The following RNF130 variants were observed in gnomAD, a reference collection of about 807,000 sequenced individuals.
The protein encoded by RNF130 is E3 ubiquitin-protein ligase RNF130.
In RNF130, 21 loss-of-function variants were observed where a neutral mutation model predicts 44.6. The ratio of observed to expected loss-of-function variants is 0.47; its 90% CI spans 0.33 to 0.68. The LOEUF (loss-of-function observed/expected upper bound fraction) is 0.68. Ranked by LOEUF, RNF130 falls within the 30% of genes least tolerant of loss-of-function variation. The pLI, the probability that RNF130 is intolerant of heterozygous loss-of-function variation, is 0.02. For synonymous variants in RNF130, 214 were observed against 210.4 expected, an observed-to-expected ratio of 1.02 and a Z score of -0.15; for missense variants, 479 against 560.6, an observed-to-expected ratio of 0.85 and a Z score of 1.47.
chr5:180,029,728 T>A (rs1764079202), intron 2 of RNF130, among the ~76,000 whole-genome samples: 1 of 151,936 alleles, frequency 6.6e-6, no homozygotes, highest in African/African-American at 2.4e-5. Flanking sequence ...TTAGTAGAGA[T>A]GGGGTTTTGT....
At chr5:179,990,170 C>G (rs57008562) in intron 3 of RNF130, among the ~76,000 whole-genome samples, 1 of 151,958 alleles carries the variant, frequency 6.6e-6, no homozygotes, top group Non-Finnish European at 1.5e-5. Flanking sequence ...GTAGTGGCCC[C>G]GAATGCCTGG....
At chr5:179,965,994 G>A (rs944675773) in intron 7 of RNF130, among the ~76,000 whole-genome samples, 10 of 152,162 alleles carry the variant, frequency 6.6e-5, no homozygotes, top group African/African-American at 2.4e-4. Context: ...GCTGGGAAAG[G>A]CAACAGCAGA....
At chr5:179,934,138 CT>C in intron 7 of RNF130, 1 of 221,160 alleles carries the variant, frequency 4.5e-6, no homozygotes. Flanking sequence ...GTGTTTGCCT[CT>C]CCTTTAGACA....
intron 2 of RNF130, among the ~76,000 whole-genome samples, chr5:180,030,005 G>A (rs527958414): frequency 2.9e-4 from 43 of 148,028 alleles, no homozygotes; most frequent in Middle Eastern, 6.8e-3. Context: ...GTACCACCAC[G>A]CCCGGCTAAT....
chr5:180,063,104 G>A (rs753884664), intron 1 of RNF130, among the ~76,000 whole-genome samples: 25 of 152,172 alleles, frequency 1.6e-4, no homozygotes, highest in Non-Finnish European at 2.5e-4. Flanking sequence ...TCTGATGTCC[G>A]TTCTAAGGAT....
intron 1 of RNF130, among the ~76,000 whole-genome samples, chr5:180,062,326 C>A (rs937631405): frequency 1.3e-5 from 2 of 152,106 alleles, no homozygotes; most frequent in Non-Finnish European, 2.9e-5. Context: ...TCCCAAAGTG[C>A]TGGGATTACA....
At chr5:179,974,635 T>A (rs1180675259) in intron 5 of RNF130, among the ~76,000 whole-genome samples, 2 of 152,156 alleles carry the variant, frequency 1.3e-5, no homozygotes, top group African/African-American at 2.4e-5. Context: ...TCTCCCTCCC[T>A]CACGGAGGGA....
chr5:180,040,730 C>T, intron 1 of RNF130, 83 bp from the exon 2 acceptor site: 1 of 1,285,892 alleles, frequency 7.8e-7, no homozygotes, highest in South Asian at 1.5e-5. Flanking sequence ...TTTCTGAATA[C>T]CACACAGAGC....
At chr5:180,022,027 G>C (rs753537709) in intron 2 of RNF130, among the ~76,000 whole-genome samples, 1 of 152,224 alleles carries the variant, frequency 6.6e-6, no homozygotes, top group African/African-American at 2.4e-5. Flanking sequence ...TCTGTCGAAG[G>C]TATTTCCCTG....
At chr5:179,941,187 T>C (rs1051546744) in intron 7 of RNF130, among the ~76,000 whole-genome samples, 1 of 152,248 alleles carries the variant, frequency 6.6e-6, no homozygotes, top group East Asian at 1.9e-4. Flanking sequence ...TTTGGTCTTA[T>C]CTCCTGGCTT....
chr5:179,961,851 T>C (rs1762336787), intron 8 of RNF130, among the ~76,000 whole-genome samples: 1 of 152,134 alleles, frequency 6.6e-6, no homozygotes, highest in South Asian at 2.1e-4. Flanking sequence ...AGGCAGATGG[T>C]CATCTGACTC....
chr5:179,927,774 T>G (rs1326271072), intron 7 of RNF130, among the ~76,000 whole-genome samples: 3 of 151,728 alleles, frequency 2.0e-5, no homozygotes, highest in Non-Finnish European at 4.4e-5. Context: ...GTATTTTTAG[T>G]AGAGATAGGC....
At chr5:180,034,255 T>C (rs1764199398) in intron 2 of RNF130, among the ~76,000 whole-genome samples, 1 of 152,140 alleles carries the variant, frequency 6.6e-6, no homozygotes, top group African/African-American at 2.4e-5. Context: ...TAATCCATTT[T>C]ATATATTACT....
At chr5:180,025,918 T>C (rs1763974106) in intron 2 of RNF130, among the ~76,000 whole-genome samples, 1 of 152,208 alleles carries the variant, frequency 6.6e-6, no homozygotes, top group African/African-American at 2.4e-5. Flanking sequence ...TACGTAAAGG[T>C]ATTCTACAAT....
At position 179,977,740 on chromosome 5, in the gene RNF130, T is replaced by C. The variant is rs1425577641; in HGVS notation, c.848+463A>G. 6.6e-6 allele frequency among the ~76,000 whole-genome samples: 1 copy of C among 152,096 alleles called. No individual in the cohort carries two copies. The highest frequency in any genetic ancestry group is 1.5e-5 in the Non-Finnish European group (1 of 68,024). On this transcript the variant is annotated intron_variant, in intron 5 of 8. Transcript: ENST00000521389. This position sits in a 1 kb window ranked among gnomAD's most constrained non-coding sequence, Gnocchi z 4.1. ...GGTGGTGGGTACCTGTAGTCCCAGCTACTCGGGAGGCTGAGGCAGGAGAAT... is the reference window on the plus strand; with the variant it reads ...GGTGGTGGGTACCTGTAGTCCCAGCCACTCGGGAGGCTGAGGCAGGAGAAT...
rs746399768 is a variant in RNF130, at chr5:180,015,333, G to T, written c.443-2022C>A. Reference sequence around the variant, plus strand: ...TACCAGGTATGGCTATAAAGTAACTGAGACGGATCCCACAAACGACATATG... The same window carrying T: ...TACCAGGTATGGCTATAAAGTAACTTAGACGGATCCCACAAACGACATATG... On this transcript the variant is annotated intron_variant, in intron 2 of 8. Transcript: ENST00000521389. The T allele has an allele frequency of 1.9e-5, 10 of 533,682 alleles. No individual in the cohort carries two copies. In the East Asian group the frequency reaches 2.7e-4, roughly 15 times the overall value. 33.1% of individuals were successfully genotyped at this position (533,682 alleles called of 1,614,324 possible). A position where few individuals can be genotyped will look rare whatever the true frequency, so the allele number is the denominator to read the frequency against.
intron 4 of RNF130, among the ~76,000 whole-genome samples, chr5:179,979,401 A>G (rs1463410039): frequency 1.3e-5 from 2 of 151,600 alleles, no homozygotes; most frequent in Non-Finnish European, 2.9e-5. Context: ...AAAACTTAGG[A>G]AGACAGAGAA....
At chr5:179,935,024 G>A (rs948512485) in intron 7 of RNF130, among the ~76,000 whole-genome samples, 12 of 152,180 alleles carry the variant, frequency 7.9e-5, no homozygotes, top group Middle Eastern at 6.8e-3. Flanking sequence ...GCTGAATTAC[G>A]TAAGTTTTGA....
chr5:179,965,621 T>C (rs932255185), intron 7 of RNF130, among the ~76,000 whole-genome samples: 6 of 152,156 alleles, frequency 3.9e-5, no homozygotes, highest in African/African-American at 7.2e-5. Context: ...CTCAATCAAG[T>C]TTTAAAACTG....
Sources: gnomAD v4.1 joint callset for allele counts (sites outside exome capture counted in the v4.1 genomes callset) on GRCh38, gnomAD v4.1.1 for gene constraint, Gnocchi (gnomAD v3.1) non-coding constraint, MANE v1.5 for transcripts, NCBI Gene and HGNC (gene_info 2026-07-23, HGNC 2026-07-21) for gene names.